KCNU1: variants seen among roughly 807,000 people sequenced by gnomAD.
KCNU1 encodes the protein potassium channel subfamily U member 1.
A neutral mutation model predicts 126.8 loss-of-function variants in KCNU1; 93 were observed. The ratio of observed to expected loss-of-function variants is 0.73; its 90% CI spans 0.62 to 0.87. The LOEUF is 0.87. Ranked by LOEUF, KCNU1 falls within the 40% of genes least tolerant of loss-of-function variation. The probability of loss-of-function intolerance (pLI) is 0.00; values close to 1 mark genes in which losing one functional copy is unlikely to be tolerated. For missense variants in KCNU1, 1,330 were observed against 1,367.1 expected (o/e 0.97, Z 0.43); for synonymous variants, 523 against 494.2 (o/e 1.06, Z -0.77).
intron 19 of KCNU1, among the ~76,000 whole-genome samples, chr8:36,897,444 A>G (rs560596381): frequency 1.3e-5 from 2 of 152,160 alleles, no homozygotes; most frequent in East Asian, 3.9e-4. Flanking sequence ...GAACATCTAA[A>G]TAGTTTCTTG....
In KCNU1 at chr8:36,931,037, G is replaced by C; in HGVS notation, c.2823G>C (p.Lys941Asn). 1 of 1,611,628 alleles carries C rather than the reference G, an allele frequency of 6.2e-7. No individual in the cohort carries two copies. Among genetic ancestry groups the C allele is most frequent in the Non-Finnish European group, 8.5e-7 (1 of 1,178,720 alleles). ...VSSQLEQHLD[K>N]DKVYGVADSC... Reference sequence around the variant, plus strand: ...CTCAGCTGGAACAACATTTAGATAAGGATAAAGTCTATGGTGTGGCAGATA... The same window carrying C: ...CTCAGCTGGAACAACATTTAGATAACGATAAAGTCTATGGTGTGGCAGATA... Residue 941 changes from lysine (K) to asparagine (N), a missense_variant, in exon 25 of 27, where the codon AAG becomes AAC. Transcript: ENST00000399881.
At chr8:36,896,089 T>A (rs1807177047) in intron 19 of KCNU1, among the ~76,000 whole-genome samples, 1 of 142,534 alleles carries the variant, frequency 7.0e-6, no homozygotes, top group Non-Finnish European at 1.6e-5. Flanking sequence ...GAATGCCAAT[T>A]TTTAAAAATC....
chr8:36,822,343 G>A (rs924113956), intron 10 of KCNU1, among the ~76,000 whole-genome samples: 1 of 151,984 alleles, frequency 6.6e-6, no homozygotes, highest in Non-Finnish European at 1.5e-5. Context: ...CAGCACACAT[G>A]TAAATGATGC....
chr8:36,798,222 A>G (rs1253497054), intron 2 of KCNU1, among the ~76,000 whole-genome samples: 2 of 152,042 alleles, frequency 1.3e-5, no homozygotes, highest in Non-Finnish European at 2.9e-5. Flanking sequence ...TGATTATTTT[A>G]TCTTGCCCAA....
intron 13 of KCNU1, 138 bp from the exon 14 acceptor site, chr8:36,836,655 C>A (rs1209225783): frequency 1.1e-5 from 8 of 750,138 alleles, no homozygotes; most frequent in African/African-American, 1.1e-4. Flanking sequence ...TTTCATTGAC[C>A]TGGGCACCAC....
In KCNU1 at chr8:36,804,059, T is replaced by C. The variant is rs1436465630; in HGVS notation, c.348T>C (p.Ser116=). 1 of 1,560,082 alleles carries C rather than the reference T, an allele frequency of 6.4e-7. No individual in the cohort carries two copies. Among genetic ancestry groups the C allele is most frequent in the African/African-American group, 1.3e-5 (1 of 74,180 alleles). ...TTGTCTTTGTACTAAGCATTGGGTC[T>C]CTTATAATCTATTTCATCAATTCTG... The part of the protein sequence containing the change: ...VILVFVLSIG[S]LIIYFINSAD... The change falls in exon 3 of 27, where the codon TCT becomes TCC. Residue 116 remains serine, a synonymous_variant. Coordinates refer to ENST00000399881, the MANE Select transcript of KCNU1 (RefSeq NM_001031836.3).
chr8:36,908,871 T>A (rs1238153760), intron 20 of KCNU1, among the ~76,000 whole-genome samples: 1 of 152,118 alleles, frequency 6.6e-6, no homozygotes, highest in Non-Finnish European at 1.5e-5. Flanking sequence ...TTATACAGCT[T>A]GCTGTAATTT....
At chr8:36,862,839 A>G (rs904556263) in intron 18 of KCNU1, among the ~76,000 whole-genome samples, 1 of 152,142 alleles carries the variant, frequency 6.6e-6, no homozygotes, top group Non-Finnish European at 1.5e-5. Context: ...TAGTTCGGGC[A>G]TGTTGTCTTA....
intron 2 of KCNU1, among the ~76,000 whole-genome samples, chr8:36,799,209 A>G (rs760887244): frequency 1.3e-5 from 2 of 152,168 alleles, no homozygotes; most frequent in Non-Finnish European, 2.9e-5. Context: ...ACAGATTAGA[A>G]AGGAGAATTA....
At chr8:36,883,588 A>T (rs1806575530) in intron 19 of KCNU1, among the ~76,000 whole-genome samples, 2 of 152,060 alleles carry the variant, frequency 1.3e-5, no homozygotes, top group Admixed American at 6.6e-5. Context: ...GTTCAAGACC[A>T]GCCTGGGCAA....
At chr8:36,917,512 A>G (rs969393119) in intron 22 of KCNU1, among the ~76,000 whole-genome samples, 2 of 120,370 alleles carry the variant, frequency 1.7e-5, no homozygotes, top group Non-Finnish European at 3.6e-5. Context: ...TGCTACACCC[A>G]GCTAATTTTT....
chr8:36,813,274 C>A (rs1404488464), intron 7 of KCNU1, among the ~76,000 whole-genome samples: 2 of 152,018 alleles, frequency 1.3e-5, no homozygotes, highest in Non-Finnish European at 2.9e-5. Context: ...GAACAAATAT[C>A]TGAGCAAACT....
chr8:36,860,708 CT>C (rs1363014791), intron 18 of KCNU1, among the ~76,000 whole-genome samples: 2 of 152,092 alleles, frequency 1.3e-5, no homozygotes, highest in Non-Finnish European at 2.9e-5. Flanking sequence ...CCCTTGAGAA[CT>C]GTTTTAGAGT....
chr8:36,856,388 G>A (rs1369968299), intron 18 of KCNU1, among the ~76,000 whole-genome samples: 1 of 152,168 alleles, frequency 6.6e-6, no homozygotes, highest in Non-Finnish European at 1.5e-5. Context: ...GTTGAAAATG[G>A]ATATTGTAGA....
At chr8:36,817,613 C>A in intron 9 of KCNU1, 37 bp from the exon 10 acceptor site, 1 of 1,060,612 alleles carries the variant, frequency 9.4e-7, no homozygotes, top group Non-Finnish European at 1.5e-6. Flanking sequence ...TGCTTATGTG[C>A]CTCGGATGAT....
chr8:36,864,042 G>A (rs1384810753), intron 18 of KCNU1, among the ~76,000 whole-genome samples: 1 of 152,148 alleles, frequency 6.6e-6, no homozygotes, highest in Non-Finnish European at 1.5e-5. Flanking sequence ...AGCATCTGCA[G>A]GAAGGAGACA....
At chr8:36,814,120 G>A (rs576053592) in intron 7 of KCNU1, 87 bp from the exon 8 acceptor site, 10 of 930,288 alleles carry the variant, frequency 1.1e-5, no homozygotes, top group East Asian at 7.5e-5. Context: ...TGAATGAAGT[G>A]CAATTAATCT....
chr8:36,905,802 C>G lies in KCNU1; in HGVS notation c.2104C>G (p.Leu702Val). The change falls in exon 20 of 27, where the codon CTG becomes GTG. Residue 702 changes from leucine to valine, a missense_variant and splice_region_variant. Transcript: ENST00000399881. ...ACCAACCTCTTTGGACAAGGTGACT[C>G]TGGTAGGTGATCTTGCATCATCAAA... ...CKPTSLDKVT[L>V]KRTGKSKYKF... 6.8e-7 allele frequency: 1 copy of G among 1,473,272 alleles called. No individual in the cohort carries two copies. The highest frequency in any genetic ancestry group is 9.3e-7 in the Non-Finnish European group (1 of 1,070,572). 91.3% of individuals were successfully genotyped at this position (1,473,272 alleles called of 1,614,324 possible). A position where few individuals can be genotyped will look rare whatever the true frequency, so the allele number is the denominator to read the frequency against.
At chr8:36,793,327 C>T (rs909659541) in intron 2 of KCNU1, among the ~76,000 whole-genome samples, 1 of 151,420 alleles carries the variant, frequency 6.6e-6, no homozygotes, top group Non-Finnish European at 1.5e-5. Context: ...ACGTTGTGCA[C>T]ATGTACCCTA....
Sources: allele counts gnomAD v4.1 joint callset (sites outside exome capture counted in the v4.1 genomes callset), GRCh38; gene constraint gnomAD v4.1.1; transcripts MANE v1.5; gene names NCBI Gene and HGNC (gene_info 2026-07-23, HGNC 2026-07-21).